Variants in ACAD11 observed in about 807,000 individuals in gnomAD.
ACAD11 encodes the protein acyl-Coenzyme A dehydrogenase family, member 11.
In ACAD11, 83 loss-of-function variants were observed where a neutral mutation model predicts 102.2. The observed-to-expected ratio is 0.81, with a 90% confidence interval of 0.68 to 0.97. ACAD11 has a LOEUF of 0.97. ACAD11 is among the 50% of genes least tolerant of loss of function. The pLI is 0.00. For synonymous variants in ACAD11, 324 were observed against 319.8 expected (o/e 1.01, Z -0.14); for missense variants, 901 against 951.7 (o/e 0.95, Z 0.70).
At chr3:132,589,936 A>C (rs918976186) in intron 13 of ACAD11, among the ~76,000 whole-genome samples, 1 of 152,152 alleles carries the variant, frequency 6.6e-6, no homozygotes, top group African/African-American at 2.4e-5. Context: ...CTCATCATTT[A>C]GTTCCCACTT....
chr3:132,578,147 T>A (rs1937549324), intron 15 of ACAD11, among the ~76,000 whole-genome samples: 1 of 152,116 alleles, frequency 6.6e-6, no homozygotes, highest in Admixed American at 6.6e-5. Flanking sequence ...TTACCTGAGG[T>A]CAGGAGTTCG....
At chr3:132,596,114 G>A (rs149630617) in intron 13 of ACAD11, among the ~76,000 whole-genome samples, 97 of 152,272 alleles carry the variant, frequency 6.4e-4, no homozygotes, top group Non-Finnish European at 1.3e-3. Context: ...AAAAGAATGA[G>A]ATCATGTTCT....
At chr3:132,565,009 A>G (rs916067633) in intron 17 of ACAD11, among the ~76,000 whole-genome samples, 7 of 152,310 alleles carry the variant, frequency 4.6e-5, no homozygotes, top group Middle Eastern at 3.4e-3. Flanking sequence ...ACAAAAACAT[A>G]AAGCACCCCA....
intron 17 of ACAD11, among the ~76,000 whole-genome samples, chr3:132,568,801 CAAAAAAAAAAAAAAAAAA>C (rs755568917): frequency 1.5e-5 from 1 of 68,674 alleles, no homozygotes; most frequent in Non-Finnish European, 3.2e-5. Context: ...CATCCACAGG[CAAAAAAAAAAAAAAAAAA>C]AAAAAAAAGA....
At chr3:132,597,258 C>T (rs1298534242) in intron 13 of ACAD11, 1 of 152,092 alleles carries the variant, frequency 6.6e-6, no homozygotes, top group Non-Finnish European at 1.5e-5. Flanking sequence ...ACAAAAGTAG[C>T]TGGAGTTAGG....
Position 132,637,286 on chromosome 3 carries a change from C to T in ACAD11, c.702+2206G>A, listed in dbSNP as rs542172327. Among the ~76,000 whole-genome samples the T allele has an allele frequency of 6.2e-4, 95 of 152,168 alleles. 1 individual carries two copies. Among genetic ancestry groups the T allele is most frequent in the African/African-American group, 2.3e-3 (94 of 41,522 alleles). Reference sequence around the variant, plus strand: ...CACTTTATAATTCTTACATTACTTGCATACATCTATAGTCAAAAAATTATT... The same window carrying T: ...CACTTTATAATTCTTACATTACTTGTATACATCTATAGTCAAAAAATTATT... On this transcript the variant is annotated intron_variant, in intron 5 of 19. Coordinates refer to ENST00000264990, the MANE Select transcript of ACAD11 (RefSeq NM_032169.5).
intron 13 of ACAD11, among the ~76,000 whole-genome samples, chr3:132,589,149 A>C (rs1937970138): frequency 1.3e-5 from 2 of 152,208 alleles, no homozygotes; most frequent in Non-Finnish European, 1.5e-5. Context: ...CACCAACTCT[A>C]TTGGTGCCTT....
At position 132,628,349 on chromosome 3, in the gene ACAD11, A is replaced by T. The variant is rs201521432; in HGVS notation, c.1061T>A (p.Leu354His). 1.2e-6 allele frequency: 2 copies of T among 1,610,846 alleles called. No homozygotes were observed. Among genetic ancestry groups the T allele is most frequent in the Non-Finnish European group, 1.7e-6 (2 of 1,178,546 alleles). ...VQPLAETGLQ[L>H]SKRTFSTVLP... The stretch of plus-strand genomic sequence containing the variant: ...AATCTGTTTTCCTTACCGTTTGGAG[A>T]GTTGTAGTCCAGTTTCTGCCAGAGG... The change falls in exon 8 of 20, where the codon CTC (leucine) becomes CAC (histidine). Residue 354 changes from leucine (L) to histidine (H), a missense_variant. Physicochemically the swap from Leu to His is moderately conservative, Grantham distance 99. Coordinates refer to ENST00000264990, the MANE Select transcript of ACAD11 (RefSeq NM_032169.5).
intron 17 of ACAD11, among the ~76,000 whole-genome samples, chr3:132,566,361 AT>A (rs1937213186): frequency 6.6e-6 from 1 of 151,724 alleles, no homozygotes; most frequent in African/African-American, 2.4e-5. Flanking sequence ...AAGATTTACC[AT>A]TCACATCACC....
At chr3:132,635,358 C>G (rs867792400) in intron 5 of ACAD11, among the ~76,000 whole-genome samples, 3 of 152,228 alleles carry the variant, frequency 2.0e-5, no homozygotes, top group African/African-American at 7.2e-5. Context: ...GGCAAGTTAT[C>G]CAAGCTACAT....
At chr3:132,638,183 T>A (rs1179307301) in intron 5 of ACAD11, among the ~76,000 whole-genome samples, 1 of 152,140 alleles carries the variant, frequency 6.6e-6, no homozygotes, top group Non-Finnish European at 1.5e-5. Context: ...CCACATTGAC[T>A]GTTTCATTTT....
intron 1 of ACAD11, among the ~76,000 whole-genome samples, chr3:132,658,708 C>T (rs1016975593): frequency 1.3e-5 from 2 of 152,098 alleles, no homozygotes; most frequent in African/African-American, 4.8e-5. Flanking sequence ...GTTCCCTGAT[C>T]CATCTCATTT....
chr3:132,610,119 C>T (rs1337464066), intron 11 of ACAD11, among the ~76,000 whole-genome samples: 4 of 152,032 alleles, frequency 2.6e-5, no homozygotes, highest in South Asian at 2.1e-4. Context: ...ATTGATAGAA[C>T]GTATCTCAAA....
chr3:132,606,002 G>A (rs1306290517), intron 11 of ACAD11, among the ~76,000 whole-genome samples: 1 of 152,162 alleles, frequency 6.6e-6, no homozygotes, highest in East Asian at 1.9e-4. Context: ...ATTGCCCTTG[G>A]CTAACAAAGA....
intron 5 of ACAD11, among the ~76,000 whole-genome samples, chr3:132,637,508 T>G (rs1940317568): frequency 6.6e-6 from 1 of 152,122 alleles, no homozygotes; most frequent in African/African-American, 2.4e-5. Context: ...AATAAGGGGT[T>G]TCAATTTCTA....
intron 1 of ACAD11, 185 bp downstream of exon 1, chr3:132,659,418 A>G (rs1324139910): frequency 2.9e-5 from 21 of 727,762 alleles, no homozygotes; most frequent in Non-Finnish European, 3.4e-5. Flanking sequence ...CCGCCCTCCA[A>G]TTGGGAAGCC....
chr3:132,618,827 G>T, intron 10 of ACAD11, 55 bp from the exon 11 acceptor site: 1 of 1,430,458 alleles, frequency 7.0e-7, no homozygotes, highest in Non-Finnish European at 9.2e-7. Context: ...ACTCACAGTA[G>T]TTTATTTCTT....
Position 132,593,327 on chromosome 3 carries a change from T to C in ACAD11, c.1621+9902A>G, listed in dbSNP as rs548473023. Among the ~76,000 whole-genome samples the C allele has an allele frequency of 8.5e-5, 13 of 152,162 alleles. No individual in the cohort carries two copies. In the South Asian group the frequency reaches 1.4e-3, roughly 17 times the overall value. On this transcript the variant is annotated intron_variant, in intron 13 of 19. Coordinates refer to ENST00000264990, the MANE Select transcript of ACAD11 (RefSeq NM_032169.5). The stretch of plus-strand genomic sequence containing the variant: ...GTATACAGATGGGCAAAGAACACAA[T>C]TGCAAAAAGAGGAAATAAGAATAAT...
At chr3:132,624,149 T>C (rs1360932064) in intron 9 of ACAD11, among the ~76,000 whole-genome samples, 1 of 150,320 alleles carries the variant, frequency 6.7e-6, no homozygotes, top group East Asian at 2.0e-4. Flanking sequence ...TACAAAAAAA[T>C]GTAAAATTTA....
Sources: allele counts gnomAD v4.1 joint callset (sites outside exome capture counted in the v4.1 genomes callset), GRCh38; gene constraint gnomAD v4.1.1; transcripts MANE v1.5; gene names NCBI Gene and HGNC (gene_info 2026-07-23, HGNC 2026-07-21).